ASRGL1: variants seen among roughly 807,000 people sequenced by gnomAD.
The protein encoded by ASRGL1 is isoaspartyl peptidase/L-asparaginase.
In ASRGL1, 16 loss-of-function variants were observed where a neutral mutation model predicts 22.4. The ratio of observed to expected loss-of-function variants is 0.71; its 90% confidence interval spans 0.48 to 1.08. The LOEUF (loss-of-function observed/expected upper bound fraction) is 1.08. Ranked by LOEUF, ASRGL1 falls within the 50% of genes least tolerant of loss-of-function variation. ASRGL1 has a pLI of 0.00. For synonymous variants in ASRGL1, 165 were observed against 159.3 expected, an observed-to-expected ratio of 1.04 and a Z score of -0.27; for missense variants, 412 against 410.1, an observed-to-expected ratio of 1.00 and a Z score of -0.04.
At chr11:62,397,003 T>C (rs1487245552), downstream of ASRGL1, among the ~76,000 whole-genome samples, 1 of 152,168 alleles carries the variant, frequency 6.6e-6, no homozygotes, top group Non-Finnish European at 1.5e-5. Flanking sequence ...ATTGTCACCT[T>C]GCAGGGCAGC....
chr11:62,352,280 A>G (rs1358652752), intron 2 of ASRGL1, among the ~76,000 whole-genome samples: 2 of 152,118 alleles, frequency 1.3e-5, no homozygotes, highest in Non-Finnish European at 2.9e-5. Flanking sequence ...GTAACCACCT[A>G]CAAGCCAAGA....
chr11:62,346,459 C>G (rs1421469326), intron 2 of ASRGL1, among the ~76,000 whole-genome samples: 1 of 152,116 alleles, frequency 6.6e-6, no homozygotes, highest in Non-Finnish European at 1.5e-5. Context: ...TTCTGTGAGA[C>G]TGAGTAACAA....
intron 4 of ASRGL1, chr11:62,371,305 C>CTGGAGCTCG: frequency 7.2e-7 from 1 of 1,381,538 alleles, no homozygotes; most frequent in Admixed American, 2.6e-5. Flanking sequence ...CGAGGACGGC[C>CTGGAGCTCG]TGGAGCTCGA....
chr11:62,374,769 C>A (rs948755558), intron 4 of ASRGL1, among the ~76,000 whole-genome samples: 10 of 152,150 alleles, frequency 6.6e-5, no homozygotes, highest in African/African-American at 2.4e-4. Context: ...ATCTCTTGAT[C>A]TGTGTTCAGT....
At chr11:62,351,157 G>A (rs961669066) in intron 2 of ASRGL1, among the ~76,000 whole-genome samples, 3 of 151,828 alleles carry the variant, frequency 2.0e-5, no homozygotes, top group African/African-American at 7.3e-5. Context: ...CTTTCTTTAC[G>A]GTCCCTTTAC....
At chr11:62,346,364 C>A (rs1946020911) in intron 2 of ASRGL1, among the ~76,000 whole-genome samples, 1 of 152,160 alleles carries the variant, frequency 6.6e-6, no homozygotes, top group African/African-American at 2.4e-5. Flanking sequence ...CTGCCCTCTT[C>A]AGCACACCAC....
rs546759978 is a variant in ASRGL1, at chr11:62,374,152, A to G, written c.492-14981A>G. Among the ~76,000 whole-genome samples, 6 of 152,250 alleles carry G rather than the reference A, an allele frequency of 3.9e-5. No individual in the cohort carries two copies. The East Asian group carries it at 7.7e-4, about 20-fold the overall frequency. On this transcript the variant is annotated intron_variant, in intron 4 of 6. Coordinates refer to ENST00000415229, the MANE Select transcript of ASRGL1 (RefSeq NM_001083926.2). ...CCATCCTGTTGCTGAGACTCGGGGT[A>G]CCGTTCTGCTGACCCAGCTCCCTTT...
chr11:62,382,850 CTT>C (rs980206380), intron 4 of ASRGL1: 2 of 152,248 alleles, frequency 1.3e-5, no homozygotes, highest in African/African-American at 2.4e-5. Context: ...ATGGTAATGA[CTT>C]TTAACAAGCA....
intron 4 of ASRGL1, chr11:62,373,125 GAGAA>G: frequency 6.8e-7 from 1 of 1,461,338 alleles, no homozygotes; most frequent in South Asian, 1.1e-5. Flanking sequence ...AAGTGAAACT[GAGAA>G]AGAAAAGATC....
chr11:62,377,544 C>T (rs1245867714), intron 4 of ASRGL1, among the ~76,000 whole-genome samples: 2 of 152,166 alleles, frequency 1.3e-5, no homozygotes, highest in Non-Finnish European at 2.9e-5. Flanking sequence ...CAGTAAACAC[C>T]GTCAGAGCAT....
At position 62,357,138 on chromosome 11, in the gene ASRGL1, G is replaced by A; in HGVS notation, c.485G>A (p.Cys162Tyr). 6.2e-7 allele frequency: 1 copy of A among 1,612,864 alleles called. No individual in the cohort carries two copies. Among genetic ancestry groups the A allele is most frequent in the Non-Finnish European group, 8.5e-7 (1 of 1,179,694 alleles). ...KHEKGAQKTD[C>Y]QKNLGTVGAV... ...GAAAAAGGTGCTCAGAAAACAGATT[G>A]TCAAAAGTAAGTCTTACCTGTGGCT... Residue 162 changes from cysteine (C) to tyrosine (Y), a missense_variant, in exon 4 of 7, where the codon TGT becomes TAT. Physicochemically the swap from Cys to Tyr is radical, Grantham distance 194 (BLOSUM62 -2). Transcript: ENST00000415229.
intron 3 of ASRGL1, 123 bp downstream of exon 3, chr11:62,356,590 T>C (rs2134606823): frequency 8.1e-7 from 1 of 1,228,720 alleles, no homozygotes; most frequent in Non-Finnish European, 1.1e-6. Flanking sequence ...ACAAAACAGA[T>C]GCAATGTATT....
intron 4 of ASRGL1, among the ~76,000 whole-genome samples, chr11:62,375,472 ATATATATATTTC>A (rs1946899912): frequency 1.3e-5 from 1 of 74,370 alleles, no homozygotes; most frequent in Non-Finnish European, 2.7e-5. Flanking sequence ...ATATATATAT[ATATATATATTTC>A]TTGGAGTAAA....
intron 2 of ASRGL1, among the ~76,000 whole-genome samples, chr11:62,341,777 A>G (rs2134566742): frequency 6.6e-6 from 1 of 152,268 alleles, no homozygotes; most frequent in South Asian, 2.1e-4. Flanking sequence ...TGTAACTGCC[A>G]CCACAATCAA....
the ASRGL1 span, among the ~76,000 whole-genome samples, chr11:62,400,799 C>G: frequency 6.6e-6 from 1 of 152,192 alleles, no homozygotes; most frequent in Non-Finnish European, 1.5e-5. Context: ...GCTTCTTCCT[C>G]AGCACCAAGC....
At chr11:62,369,634 G>C (rs1167292444) in intron 4 of ASRGL1, among the ~76,000 whole-genome samples, 1 of 152,120 alleles carries the variant, frequency 6.6e-6, no homozygotes, top group East Asian at 1.9e-4. Flanking sequence ...ACAGGGTTAA[G>C]ATTTGTGAGA....
chr11:62,395,380 C>T (rs1295743018), downstream of ASRGL1, among the ~76,000 whole-genome samples: 10 of 152,080 alleles, frequency 6.6e-5, no homozygotes, highest in African/African-American at 2.2e-4. Context: ...GAGCACAAGA[C>T]GGGCCCTGAG....
downstream of ASRGL1, among the ~76,000 whole-genome samples, chr11:62,394,801 A>G (rs1947412574): frequency 1.3e-5 from 2 of 152,134 alleles, no homozygotes. Flanking sequence ...GTGCAAAGCC[A>G]AAGTGTGTAT....
chr11:62,384,193 T>TGCAA (rs1565173777), intron 4 of ASRGL1, among the ~76,000 whole-genome samples: 1 of 151,310 alleles, frequency 6.6e-6, no homozygotes, highest in African/African-American at 2.4e-5. Flanking sequence ...TGGGCAACAG[T>TGCAA]GCAAGACTCC....
Sources: allele counts gnomAD v4.1 joint callset (sites outside exome capture counted in the v4.1 genomes callset), GRCh38; gene constraint gnomAD v4.1.1; transcripts MANE v1.5; gene names NCBI Gene and HGNC (gene_info 2026-07-23, HGNC 2026-07-21).